LYZL4: variants seen among roughly 807,000 people sequenced by gnomAD.
The protein encoded by LYZL4 is lysozyme-like protein 4.
Under a neutral mutation model 17.6 loss-of-function variants are expected in LYZL4, and 13 were observed. That is an observed-to-expected ratio of 0.74 (90% CI 0.48 to 1.18). LYZL4 has a LOEUF of 1.18. Among genes scored for constraint, LYZL4 ranks in the 50% most tolerant of loss-of-function variants. LYZL4 has a pLI of 0.00. For missense variants in LYZL4, 174 were observed against 188.2 expected (o/e 0.92, Z 0.44); for synonymous variants, 64 against 67.7 (o/e 0.95, Z 0.27).
In LYZL4 at chr3:42,407,213, C is replaced by G. The variant is rs201869999; in HGVS notation, c.39G>C (p.Leu13=). The part of the protein sequence containing the change: ...ASVVLSLLGY[L]VVPSGAYILG... ...AGATGTAAGCACCACTTGGAACCAC[C>G]AGGTAGCCAAGGAGGGAGAGAACCA... Residue 13 remains leucine, a synonymous_variant, in exon 2 of 5, where the codon CTG becomes CTC. Transcript: ENST00000287748. 1 of 1,614,184 alleles carries G rather than the reference C, an allele frequency of 6.2e-7. No individual in the cohort carries two copies. Among genetic ancestry groups the G allele is most frequent in the African/African-American group, 1.3e-5 (1 of 75,040 alleles).
chr3:42,402,319 C>CT lies in LYZL4; in HGVS notation c.371+1726dup, dbSNP rs71616046. 6.4e-4 allele frequency among the ~76,000 whole-genome samples: 89 copies of CT among 138,284 alleles called. No individual in the cohort carries two copies. The Middle Eastern group carries it at 0.011, about 17-fold the overall frequency. The allele number at this position is 138,284 out of a possible 152,430, so 90.7% of individuals were successfully genotyped here. A position where few individuals can be genotyped will look rare whatever the true frequency, so the allele number is the denominator to read the frequency against. On this transcript the variant is annotated intron_variant, in intron 4 of 4. Transcript: ENST00000287748. ...AGGCCCCATTTCTTTTCTTTTCTTT[C>CT]TTTTTTTTTTTTTGAGATGTCTCTT...
At chr3:42,364,339 T>G in the LYZL4 span, among the ~76,000 whole-genome samples, 1 of 129,158 alleles carries the variant, frequency 7.7e-6, no homozygotes, top group East Asian at 2.6e-4. Context: ...CCTTTTTCTT[T>G]TCTTTTTTTT....
the LYZL4 span, among the ~76,000 whole-genome samples, chr3:42,385,121 TA>T: frequency 1.8e-4 from 28 of 151,994 alleles, no homozygotes; most frequent in Middle Eastern, 6.8e-3. Flanking sequence ...ATAATTACTT[TA>T]AAAAAATAAC....
At chr3:42,403,172 CA>C (rs1352760301) in intron 4 of LYZL4, among the ~76,000 whole-genome samples, 1 of 151,058 alleles carries the variant, frequency 6.6e-6, no homozygotes, top group Non-Finnish European at 1.5e-5. Flanking sequence ...AAAAAAATTA[CA>C]AAACAATAGT....
the LYZL4 span, among the ~76,000 whole-genome samples, chr3:42,384,210 G>A: frequency 2.2e-3 from 341 of 152,254 alleles, 1 homozygote; most frequent in African/African-American, 7.6e-3. Context: ...GCACCCAACC[G>A]AAGTATCAGT....
At chr3:42,371,013 G>C in the LYZL4 span, among the ~76,000 whole-genome samples, 1 of 152,130 alleles carries the variant, frequency 6.6e-6, no homozygotes, top group Non-Finnish European at 1.5e-5. Context: ...TTCCTCCCTG[G>C]AGGACTTTGC....
chr3:42,399,966 C>T (rs1040330261), intron 4 of LYZL4, among the ~76,000 whole-genome samples: 1 of 150,316 alleles, frequency 6.7e-6, no homozygotes, highest in African/African-American at 2.4e-5. Flanking sequence ...CTCTTAATGG[C>T]AAAAACCACG....
At chr3:42,407,032 A>G in intron 2 of LYZL4, 34 bp from the exon 3 acceptor site, 1 of 1,613,948 alleles carries the variant, frequency 6.2e-7, no homozygotes, top group South Asian at 1.1e-5. Flanking sequence ...GACTCTGAGG[A>G]CAGCTGGAGT....
the LYZL4 span, among the ~76,000 whole-genome samples, chr3:42,362,229 T>C: frequency 6.6e-6 from 1 of 152,162 alleles, no homozygotes; most frequent in African/African-American, 2.4e-5. Context: ...AAAAAAGACA[T>C]CCATCCTGCT....
At chr3:42,408,809 G>A (rs1435035111) in intron 1 of LYZL4, among the ~76,000 whole-genome samples, 1 of 152,148 alleles carries the variant, frequency 6.6e-6, no homozygotes, top group East Asian at 1.9e-4. Flanking sequence ...AATATGCTTA[G>A]TTCTGGGAAC....
At chr3:42,391,274 T>C in the LYZL4 span, among the ~76,000 whole-genome samples, 2 of 152,194 alleles carry the variant, frequency 1.3e-5, no homozygotes, top group Admixed American at 6.5e-5. Context: ...GGAAGAAATA[T>C]ATACATATTT....
At chr3:42,383,052 T>A in the LYZL4 span, among the ~76,000 whole-genome samples, 1 of 152,154 alleles carries the variant, frequency 6.6e-6, no homozygotes, top group Non-Finnish European at 1.5e-5. Flanking sequence ...AACCAGGTGC[T>A]TGTCCCCCAC....
chr3:42,376,817 C>T, the LYZL4 span, among the ~76,000 whole-genome samples: 1 of 152,178 alleles, frequency 6.6e-6, no homozygotes, highest in African/African-American at 2.4e-5. Context: ...CATGAGGCAC[C>T]AGCAAATTTT....
At chr3:42,393,932 T>C (rs936579042), downstream of LYZL4, among the ~76,000 whole-genome samples, 1 of 152,156 alleles carries the variant, frequency 6.6e-6, no homozygotes, top group Non-Finnish European at 1.5e-5. Flanking sequence ...GCTGGGACTA[T>C]AGGCATCCAC....
chr3:42,374,525 C>T, the LYZL4 span, among the ~76,000 whole-genome samples: 8 of 152,146 alleles, frequency 5.3e-5, no homozygotes, highest in East Asian at 3.9e-4. Flanking sequence ...TCGAGGCCAC[C>T]GATATCCTGA....
chr3:42,392,339 C>G (rs1366633041), downstream of LYZL4, among the ~76,000 whole-genome samples: 2 of 152,092 alleles, frequency 1.3e-5, no homozygotes, highest in Non-Finnish European at 2.9e-5. Flanking sequence ...CTTCTATTTC[C>G]TCAGTGAACT....
At chr3:42,366,695 G>T in the LYZL4 span, among the ~76,000 whole-genome samples, 7 of 152,160 alleles carry the variant, frequency 4.6e-5, no homozygotes, top group African/African-American at 1.7e-4. Context: ...CTTGGGCTGG[G>T]GCTCACAGCC....
At chr3:42,375,605 G>T in the LYZL4 span, among the ~76,000 whole-genome samples, 2 of 152,346 alleles carry the variant, frequency 1.3e-5, no homozygotes, top group Middle Eastern at 3.4e-3. Context: ...AGAGAGGGAA[G>T]CTGAGGGAAG....
the LYZL4 span, among the ~76,000 whole-genome samples, chr3:42,383,428 C>A: frequency 7.3e-6 from 1 of 137,318 alleles, no homozygotes; most frequent in African/African-American, 2.8e-5. Context: ...CCAGTAACAA[C>A]TGATTTCCAC....
Sources: allele counts gnomAD v4.1 joint callset (sites outside exome capture counted in the v4.1 genomes callset), GRCh38; gene constraint gnomAD v4.1.1; transcripts MANE v1.5; gene names NCBI Gene and HGNC (gene_info 2026-07-23, HGNC 2026-07-21).